The following IQCJ variants were observed in gnomAD, a reference collection of about 807,000 sequenced individuals.
The protein encoded by IQCJ is IQ domain-containing protein J.
A neutral mutation model predicts 11.0 loss-of-function variants in IQCJ; 9 were observed. The observed-to-expected ratio is 0.82, with a 90% CI of 0.49 to 1.43. IQCJ has a LOEUF of 1.43. Among genes scored for constraint, IQCJ ranks in the 40% most tolerant of loss-of-function variants. IQCJ has a pLI of 0.00. For synonymous variants in IQCJ, 55 were observed against 51.3 expected (o/e 1.07, Z -0.31); for missense variants, 146 against 133.2 (o/e 1.10, Z -0.47).
At chr3:159,189,322 C>G (rs748257906) in intron 1 of IQCJ, among the ~76,000 whole-genome samples, 15 of 152,224 alleles carry the variant, frequency 9.9e-5, no homozygotes, top group Middle Eastern at 3.4e-3. Context: ...AGGCTGGGGA[C>G]AAGGGGACAA....
chr3:159,192,374 C>A (rs1463790105), intron 1 of IQCJ, among the ~76,000 whole-genome samples: 2 of 152,142 alleles, frequency 1.3e-5, no homozygotes, highest in Non-Finnish European at 2.9e-5. Flanking sequence ...TAGGTCCAGT[C>A]CCTCATACTC....
intron 1 of IQCJ, among the ~76,000 whole-genome samples, chr3:159,206,482 C>T (rs1255422973): frequency 5.3e-5 from 8 of 152,186 alleles, no homozygotes; most frequent in African/African-American, 1.9e-4. Flanking sequence ...CTTGTTGGAA[C>T]TGTCAATCAA....
Position 159,213,125 on chromosome 3 carries a change from G to A in IQCJ, c.10-32718G>A, listed in dbSNP as rs147384378. On this transcript the variant is annotated intron_variant, in intron 1 of 3. Coordinates refer to ENST00000397832, the MANE Select transcript of IQCJ (RefSeq NM_001042706.3). ...AAGGGGATGCCTGCTCCAGTAAGAC[G>A]ATTAAAGGGAATCCTCCAGAACAGG... Among the ~76,000 whole-genome samples the A allele has an allele frequency of 6.7e-3, 1,016 of 152,222 alleles. 19 individuals are homozygous for A. The highest frequency in any genetic ancestry group is 6.5e-3 in the Non-Finnish European group (442 of 68,014).
intron 1 of IQCJ, among the ~76,000 whole-genome samples, chr3:159,117,083 A>G (rs1719068577): frequency 6.6e-6 from 1 of 152,344 alleles, no homozygotes; most frequent in Admixed American, 6.5e-5. Flanking sequence ...ATTTTGAAAG[A>G]GTAATGTCTA....
intron 1 of IQCJ, among the ~76,000 whole-genome samples, chr3:159,147,808 C>T (rs1019676687): frequency 1.4e-4 from 21 of 152,194 alleles, no homozygotes; most frequent in Admixed American, 1.3e-3. Flanking sequence ...ACATCTGAAT[C>T]TCTCTTTGAA....
At chr3:159,231,483 A>G (rs1726244930) in intron 1 of IQCJ, among the ~76,000 whole-genome samples, 1 of 152,172 alleles carries the variant, frequency 6.6e-6, no homozygotes, top group Non-Finnish European at 1.5e-5. Context: ...AATAAAATTA[A>G]GCTTGTTTAA....
intron 1 of IQCJ, among the ~76,000 whole-genome samples, chr3:159,242,219 A>G (rs1370407987): frequency 1.3e-5 from 2 of 152,192 alleles, no homozygotes; most frequent in African/African-American, 4.8e-5. Context: ...ATACGGCTCT[A>G]TAGGCCATGG....
rs75694153 is a variant in IQCJ at position 159,106,732 on chromosome 3, A to G, written c.9+37291A>G. On this transcript the variant is annotated intron_variant, in intron 1 of 3. Transcript: ENST00000397832. Reference sequence around the variant, plus strand: ...CACAAGTTAGGGGCTCACTTCCATAAGACTGCCCCCATTTTAGACACCAAT... The same window carrying G: ...CACAAGTTAGGGGCTCACTTCCATAGGACTGCCCCCATTTTAGACACCAAT... Among the ~76,000 whole-genome samples, 11 of 152,204 alleles carry G rather than the reference A, an allele frequency of 7.2e-5. No individual in the cohort carries two copies. In the East Asian group the frequency reaches 2.1e-3, roughly 29 times the overall value.
chr3:159,084,062 G>C (rs374833058), intron 1 of IQCJ, among the ~76,000 whole-genome samples: 1 of 152,022 alleles, frequency 6.6e-6, no homozygotes, highest in Non-Finnish European at 1.5e-5. Context: ...TATACAGTGC[G>C]TGTAAAACTG....
Position 159,107,687 on chromosome 3 carries a change from G to A in IQCJ, c.9+38246G>A, listed in dbSNP as rs553322785. On this transcript the variant is annotated intron_variant, in intron 1 of 3. Transcript: ENST00000397832. The stretch of plus-strand genomic sequence containing the variant: ...CTTTACATTTATTAACTAATCCTAA[G>A]GGCAACCAATGAGCTAAGTTCAGTT... 4.6e-5 allele frequency among the ~76,000 whole-genome samples: 7 copies of A among 152,142 alleles called. No individual in the cohort carries two copies. The South Asian group carries it at 1.5e-3, about 32-fold the overall frequency.
intron 1 of IQCJ, among the ~76,000 whole-genome samples, chr3:159,116,244 AAGAAGG>A (rs1275343789): frequency 1.3e-5 from 2 of 152,086 alleles, no homozygotes; most frequent in East Asian, 1.9e-4. Flanking sequence ...AAAAAAAGAG[AAGAAGG>A]AGAAGGAGAA....
chr3:159,111,360 C>A (rs1159319094), intron 1 of IQCJ, among the ~76,000 whole-genome samples: 1 of 151,474 alleles, frequency 6.6e-6, no homozygotes, highest in African/African-American at 2.4e-5. Context: ...AACTAGCTCT[C>A]TTCTCTTTGA....
chr3:159,241,163 A>T (rs908714917), intron 1 of IQCJ, among the ~76,000 whole-genome samples: 10 of 151,980 alleles, frequency 6.6e-5, no homozygotes, highest in African/African-American at 2.4e-4. Context: ...TAATCCCAGC[A>T]CTTTGGGAGG....
chr3:159,155,751 T>C (rs1056622802), intron 1 of IQCJ, among the ~76,000 whole-genome samples: 6 of 152,138 alleles, frequency 3.9e-5, no homozygotes, highest in African/African-American at 1.4e-4. Context: ...CTAAATGTCA[T>C]AGGGATTAAA....
intron 1 of IQCJ, among the ~76,000 whole-genome samples, chr3:159,227,377 C>T (rs1161247866): frequency 6.6e-6 from 1 of 152,178 alleles, no homozygotes; most frequent in Non-Finnish European, 1.5e-5. Flanking sequence ...TTGAGACCTG[C>T]TTACCTAGAG....
chr3:159,109,388 T>C (rs1718471305), intron 1 of IQCJ, among the ~76,000 whole-genome samples: 1 of 152,094 alleles, frequency 6.6e-6, no homozygotes, highest in Non-Finnish European at 1.5e-5. Context: ...AGCCTTAAGT[T>C]AATGATCTCA....
intron 1 of IQCJ, among the ~76,000 whole-genome samples, chr3:159,175,796 C>T (rs1054623334): frequency 6.6e-6 from 1 of 152,112 alleles, no homozygotes; most frequent in Admixed American, 6.5e-5. Flanking sequence ...CTTCTATTTA[C>T]CTTACAAGTC....
rs1460386012 is a variant in IQCJ at position 159,076,653 on chromosome 3, A to ATAG, written c.9+7214_9+7215insGTA. ...CCACTTTAATATCTCTGGAACAGGA[A>ATAG]TAATACTTCTTAGTATTGCTGTGAG... On this transcript the variant is annotated intron_variant, in intron 1 of 3. Coordinates refer to ENST00000397832, the MANE Select transcript of IQCJ (RefSeq NM_001042706.3). Among the ~76,000 whole-genome samples, 10 of 152,136 alleles carry ATAG rather than the reference A, an allele frequency of 6.6e-5. No individual in the cohort carries two copies. The South Asian group carries it at 8.3e-4, about 13-fold the overall frequency.
intron 1 of IQCJ, among the ~76,000 whole-genome samples, chr3:159,218,219 C>A (rs2108110616): frequency 6.6e-6 from 1 of 152,026 alleles, no homozygotes; most frequent in South Asian, 2.1e-4. Context: ...TATTCAAGGT[C>A]AAACAGCTAG....
Sources: allele counts gnomAD v4.1 joint callset (sites outside exome capture counted in the v4.1 genomes callset), GRCh38; gene constraint gnomAD v4.1.1; transcripts MANE v1.5; gene names NCBI Gene and HGNC (gene_info 2026-07-23, HGNC 2026-07-21).